MAPK10: variants seen among roughly 807,000 people sequenced by gnomAD.
The protein encoded by MAPK10 is JNK3 alpha protein kinase.
In MAPK10, 25 loss-of-function variants were observed where a neutral mutation model predicts 59.3. That is an observed-to-expected ratio of 0.42 (90% CI 0.31 to 0.59). The LOEUF (loss-of-function observed/expected upper bound fraction) is 0.59. MAPK10 is among the 20% of genes least tolerant of loss of function. The probability of loss-of-function intolerance (pLI) is 0.15; values close to 1 mark genes in which losing one functional copy is unlikely to be tolerated. For missense variants in MAPK10, 351 were observed against 568.9 expected, an observed-to-expected ratio of 0.62 and a Z score of 3.90; for synonymous variants, 190 against 200.5, an observed-to-expected ratio of 0.95 and a Z score of 0.44.
At chr4:86,428,963 CA>C (rs1747668224) in intron 1 of MAPK10, among the ~76,000 whole-genome samples, 3 of 152,074 alleles carry the variant, frequency 2.0e-5, no homozygotes, top group African/African-American at 7.2e-5. Flanking sequence ...TAGCATTTAC[CA>C]AGGTTCTTGC....
intron 11 of MAPK10, among the ~76,000 whole-genome samples, chr4:86,035,413 AT>A: frequency 6.7e-6 from 1 of 150,152 alleles, no homozygotes. Flanking sequence ...GGGTATCATG[AT>A]ACGGAAGAAA....
intron 1 of MAPK10, among the ~76,000 whole-genome samples, chr4:86,481,851 T>C (rs1361120567): frequency 6.6e-6 from 1 of 152,190 alleles, no homozygotes; most frequent in Non-Finnish European, 1.5e-5. Flanking sequence ...ATACTTTCTA[T>C]TTAACTCTGG....
intron 1 of MAPK10, among the ~76,000 whole-genome samples, chr4:86,577,017 T>G (rs1761950277): frequency 6.6e-6 from 1 of 152,172 alleles, no homozygotes; most frequent in African/African-American, 2.4e-5. Flanking sequence ...ATAAATGCAT[T>G]TTTAGGCCCA....
At chr4:86,235,010 C>T (rs536179788) in intron 2 of MAPK10, among the ~76,000 whole-genome samples, 1 of 152,164 alleles carries the variant, frequency 6.6e-6, no homozygotes, top group South Asian at 2.1e-4. Context: ...CCTTGTGCTA[C>T]ATTCATTTTC....
chr4:86,479,503 C>T (rs1374184781), intron 1 of MAPK10, among the ~76,000 whole-genome samples: 2 of 151,136 alleles, frequency 1.3e-5, no homozygotes, highest in Non-Finnish European at 2.9e-5. Flanking sequence ...GTCGTCCCTA[C>T]TATCTTCTGT....
intron 4 of MAPK10, among the ~76,000 whole-genome samples, chr4:86,149,621 C>G (rs1337750308): frequency 6.6e-6 from 1 of 152,182 alleles, no homozygotes; most frequent in Non-Finnish European, 1.5e-5. Flanking sequence ...AGACAGTTCC[C>G]TAATCAAACC....
At chr4:86,329,841 T>C (rs893451339) in intron 2 of MAPK10, among the ~76,000 whole-genome samples, 1 of 47,348 alleles carries the variant, frequency 2.1e-5, no homozygotes, top group African/African-American at 5.2e-5. Flanking sequence ...TGTCTCTTAT[T>C]ATATTATTTT....
chr4:86,280,788 T>C (rs2094771406), intron 2 of MAPK10, among the ~76,000 whole-genome samples: 1 of 152,140 alleles, frequency 6.6e-6, no homozygotes, highest in Non-Finnish European at 1.5e-5. Context: ...AATCGTGTCC[T>C]TTGCAGCAAC....
At chr4:86,563,091 T>C (rs1329982508) in intron 1 of MAPK10, among the ~76,000 whole-genome samples, 1 of 152,204 alleles carries the variant, frequency 6.6e-6, no homozygotes. Flanking sequence ...TTATATATAT[T>C]GAGCACTTAG....
chr4:86,318,866 C>T (rs1281677362), intron 2 of MAPK10, among the ~76,000 whole-genome samples: 6 of 152,004 alleles, frequency 3.9e-5, no homozygotes, highest in Admixed American at 1.3e-4. Context: ...GGGACCTGAA[C>T]AGGTTGCATA....
chr4:86,434,056 C>T (rs1289458577), intron 1 of MAPK10, among the ~76,000 whole-genome samples: 1 of 152,112 alleles, frequency 6.6e-6, no homozygotes, highest in Non-Finnish European at 1.5e-5. Flanking sequence ...ATATATTTGA[C>T]ATTGAGTTGT....
At chr4:86,347,321 G>T (rs1421184202) in intron 2 of MAPK10, among the ~76,000 whole-genome samples, 5 of 152,066 alleles carry the variant, frequency 3.3e-5, no homozygotes, top group Non-Finnish European at 7.4e-5. Flanking sequence ...AAAACACAGA[G>T]AATTCTTTAT....
At chr4:86,336,504 T>C (rs7699555) in intron 2 of MAPK10, 111,718 of 152,010 alleles carry the variant, frequency 0.73, 41,563 homozygotes, top group South Asian at 0.9. Flanking sequence ...CAAGTAACAG[T>C]GTTGGAAGGG....
intron 4 of MAPK10, among the ~76,000 whole-genome samples, chr4:86,110,819 G>A (rs1378287111): frequency 1.3e-5 from 2 of 152,056 alleles, no homozygotes; most frequent in African/African-American, 2.4e-5. Context: ...AAATTACTTT[G>A]GGCAGTATGT....
At chr4:86,201,429 TAAAAATTTTGAGAAATTTTTATA>T (rs2082594690) in intron 2 of MAPK10, among the ~76,000 whole-genome samples, 1 of 151,946 alleles carries the variant, frequency 6.6e-6, no homozygotes, top group Non-Finnish European at 1.5e-5. Flanking sequence ...TAATGCTGAC[TAAAAATTTTGAGAAATTTTTATA>T]TGTTATTGGC....
At chr4:86,338,851 AGTGT>A (rs1240601005) in intron 2 of MAPK10, among the ~76,000 whole-genome samples, 2 of 68,518 alleles carry the variant, frequency 2.9e-5, no homozygotes, top group Non-Finnish European at 7.4e-5. Context: ...TTTAGTGTTT[AGTGT>A]TAACAAAATT....
intron 1 of MAPK10, among the ~76,000 whole-genome samples, chr4:86,496,299 G>A (rs546897072): frequency 1.3e-5 from 2 of 152,280 alleles, no homozygotes; most frequent in Non-Finnish European, 2.9e-5. Flanking sequence ...ACTAGAGGGA[G>A]GCCAATATGC....
intron 9 of MAPK10, chr4:86,090,208 T>G (rs1024621315): frequency 2.7e-5 from 4 of 148,536 alleles, no homozygotes; most frequent in African/African-American, 7.5e-5. Context: ...GGCATTCTTG[T>G]GGGGGGAAAA....
chr4:86,025,302 T>C, intron 13 of MAPK10: 1 of 387,742 alleles, frequency 2.6e-6, no homozygotes, highest in East Asian at 3.6e-5. Context: ...TGCTTCTGTA[T>C]GACTCCCTCT....
Sources: allele counts gnomAD v4.1 joint callset (sites outside exome capture counted in the v4.1 genomes callset), GRCh38; gene constraint gnomAD v4.1.1; transcripts MANE v1.5; gene names NCBI Gene and HGNC (gene_info 2026-07-23, HGNC 2026-07-21).